Variants in LTBP1 observed in about 807,000 individuals in gnomAD.
LTBP1 encodes latent transforming growth factor beta binding protein 1, also known as latent-transforming growth factor beta-binding protein 1.
Under a neutral mutation model 207.6 loss-of-function variants are expected in LTBP1, and 129 were observed. The ratio of observed to expected loss-of-function variants is 0.62; its 90% CI spans 0.54 to 0.72. The LOEUF is 0.72. Ranked by LOEUF, LTBP1 falls within the 30% of genes least tolerant of loss-of-function variation. LTBP1 has a pLI of 0.00. For synonymous variants in LTBP1, 963 were observed against 833.7 expected, an observed-to-expected ratio of 1.16 and a Z score of -2.67; for missense variants, 2,281 against 2,217.2, an observed-to-expected ratio of 1.03 and a Z score of -0.58.
At chr2:33,257,623 AT>A in intron 12 of LTBP1, 112 bp downstream of exon 12, 2 of 841,612 alleles carry the variant, frequency 2.4e-6, no homozygotes, top group Non-Finnish European at 3.7e-6. Context: ...CACTATTGGC[AT>A]TTTAGAGTGG....
chr2:33,099,837 A>G (rs552746551), intron 3 of LTBP1, among the ~76,000 whole-genome samples: 1 of 152,158 alleles, frequency 6.6e-6, no homozygotes, highest in East Asian at 1.9e-4. Flanking sequence ...GCTGGCTAGT[A>G]AGAGGGAAAA....
intron 7 of LTBP1, among the ~76,000 whole-genome samples, chr2:33,211,511 T>C (rs1421623433): frequency 6.6e-6 from 1 of 151,948 alleles, no homozygotes; most frequent in Non-Finnish European, 1.5e-5. Context: ...CTCAGAGAGG[T>C]TGGATGATTT....
intron 3 of LTBP1, among the ~76,000 whole-genome samples, chr2:33,051,133 C>G (rs555514737): frequency 6.6e-6 from 1 of 152,078 alleles, no homozygotes; most frequent in Admixed American, 6.6e-5. Context: ...AACTATAGTC[C>G]CCGCCCGTTG....
intron 2 of LTBP1, among the ~76,000 whole-genome samples, chr2:32,956,356 CTA>C (rs2148337489): frequency 6.6e-6 from 1 of 152,280 alleles, no homozygotes; most frequent in East Asian, 1.9e-4. Context: ...GCCTTATCAT[CTA>C]TGTTTATATA....
chr2:33,321,752 T>C (rs2149344838), intron 24 of LTBP1, among the ~76,000 whole-genome samples: 1 of 152,332 alleles, frequency 6.6e-6, no homozygotes, highest in East Asian at 1.9e-4. Flanking sequence ...TTAAGAGTTT[T>C]CGGGTCTGAA....
chr2:33,362,530 A>T (rs73927507), intron 28 of LTBP1, among the ~76,000 whole-genome samples: 2,040 of 152,304 alleles, frequency 0.013, 51 homozygotes, highest in African/African-American at 0.046. Context: ...ATATCAAAAT[A>T]AATTCCTTGT....
chr2:33,149,108 T>G (rs987275642), intron 5 of LTBP1, among the ~76,000 whole-genome samples: 11 of 151,566 alleles, frequency 7.3e-5, no homozygotes, highest in South Asian at 6.3e-4. Context: ...CCAGCTACTC[T>G]GGAGGCTGAG....
chr2:33,368,076 G>A (rs1410586060), intron 31 of LTBP1, among the ~76,000 whole-genome samples: 4 of 152,048 alleles, frequency 2.6e-5, no homozygotes, highest in African/African-American at 9.7e-5. Context: ...GCCTGGTGGC[G>A]CATGCCTGTA....
At chr2:32,979,583 G>C (rs1682444353) in intron 2 of LTBP1, among the ~76,000 whole-genome samples, 1 of 152,054 alleles carries the variant, frequency 6.6e-6, no homozygotes, top group African/African-American at 2.4e-5. Flanking sequence ...TTTAAGAGTT[G>C]TTTTGTGGCA....
intron 15 of LTBP1, 72 bp from the exon 16 acceptor site, chr2:33,273,584 A>T: frequency 1.2e-5 from 15 of 1,244,176 alleles, no homozygotes; most frequent in Non-Finnish European, 1.7e-5. Flanking sequence ...ACTCAAAGTA[A>T]TACTTTGAGA....
chr2:33,300,713 C>T, intron 21 of LTBP1, 140 bp downstream of exon 21: 1 of 866,206 alleles, frequency 1.2e-6, no homozygotes, highest in African/African-American at 1.7e-5. Context: ...AGGACTTAAA[C>T]ATAAGTTAGG....
chr2:33,279,997 A>G (rs1023168166), intron 18 of LTBP1, 42 bp from the exon 19 acceptor site: 1 of 1,608,326 alleles, frequency 6.2e-7, no homozygotes, highest in South Asian at 1.1e-5. Flanking sequence ...TTGCTTTGGT[A>G]TTCTGATAAA....
At position 33,361,481 on chromosome 2, in the gene LTBP1, A is replaced by G. The variant is rs148325186; in HGVS notation, c.4236A>G (p.Glu1412=). Reference sequence around the variant, plus strand: ...GGAAAGGTTTTGTGCCTGCTGGAGAATCATCTTCTGAAGCTGGTGGTGAGA... The same window carrying G: ...GGAAAGGTTTTGTGCCTGCTGGAGAGTCATCTTCTGAAGCTGGTGGTGAGA... ...PKGKGFVPAG[E]SSSEAGGENY... Residue 1412 remains glutamate (E), a synonymous_variant, in exon 28 of 34, where the codon GAA becomes GAG. Coordinates refer to ENST00000404816, the MANE Select transcript of LTBP1 (RefSeq NM_206943.4). 1 of 1,613,472 alleles carries G rather than the reference A, an allele frequency of 6.2e-7. No homozygotes were observed. Among genetic ancestry groups the G allele is most frequent in the Non-Finnish European group, 8.5e-7 (1 of 1,179,698 alleles).
At chr2:33,165,696 T>TATC (rs1442196272) in intron 5 of LTBP1, among the ~76,000 whole-genome samples, 1 of 152,240 alleles carries the variant, frequency 6.6e-6, no homozygotes, top group Admixed American at 6.5e-5. Context: ...CCCAGGAATT[T>TATC]ATCATCATCA....
At chr2:32,984,531 C>A (rs1683240288) in intron 2 of LTBP1, among the ~76,000 whole-genome samples, 1 of 152,214 alleles carries the variant, frequency 6.6e-6, no homozygotes, top group Admixed American at 6.5e-5. Flanking sequence ...GAAACTCAGA[C>A]TCCCATTTTA....
intron 5 of LTBP1, among the ~76,000 whole-genome samples, chr2:33,182,340 T>G (rs892959920): frequency 1.3e-5 from 2 of 151,928 alleles, no homozygotes; most frequent in Non-Finnish European, 2.9e-5. Flanking sequence ...CTTGTAAAAG[T>G]CAATTGGTTA....
intron 2 of LTBP1, among the ~76,000 whole-genome samples, chr2:32,985,761 C>T (rs1190711260): frequency 6.6e-6 from 1 of 152,166 alleles, no homozygotes; most frequent in African/African-American, 2.4e-5. Flanking sequence ...GCAGCGGGCA[C>T]TCTCAGTGAT....
At chr2:33,338,770 T>C (rs1355745937) in intron 24 of LTBP1, among the ~76,000 whole-genome samples, 1 of 152,082 alleles carries the variant, frequency 6.6e-6, no homozygotes, top group Non-Finnish European at 1.5e-5. Context: ...GGAAGGAGTA[T>C]GCACCAAGTC....
At chr2:33,105,033 C>T (rs997579012) in intron 3 of LTBP1, among the ~76,000 whole-genome samples, 3 of 152,148 alleles carry the variant, frequency 2.0e-5, no homozygotes, top group Non-Finnish European at 4.4e-5. Context: ...TTATAGTTAC[C>T]TCCATTATGG....
Sources: gnomAD v4.1 joint callset for allele counts (sites outside exome capture counted in the v4.1 genomes callset) on GRCh38, gnomAD v4.1.1 for gene constraint, MANE v1.5 for transcripts, NCBI Gene and HGNC (gene_info 2026-07-23, HGNC 2026-07-21) for gene names.